Variants in BTBD9 observed in about 807,000 individuals in gnomAD.
BTBD9 encodes the protein BTB/POZ domain-containing protein 9.
BTBD9 carries 49 observed loss-of-function variants against 64.3 expected under a neutral mutation model. The observed-to-expected ratio is 0.76, with a 90% CI of 0.61 to 0.97. The LOEUF is 0.97. BTBD9 is among the 50% of genes least tolerant of loss of function. The pLI, the probability that BTBD9 is intolerant of heterozygous loss-of-function variation, is 0.00. For missense variants in BTBD9, 598 were observed against 762.1 expected, an observed-to-expected ratio of 0.78 and a Z score of 2.53; for synonymous variants, 260 against 274.7, an observed-to-expected ratio of 0.95 and a Z score of 0.53.
intron 2 of BTBD9, chr6:38,595,975 G>A: frequency 2.0e-6 from 2 of 985,288 alleles, no homozygotes; most frequent in Non-Finnish European, 1.2e-6. Context: ...GGCTCCCTTG[G>A]AACAATAAAC....
At chr6:38,383,260 C>G (rs889467659) in intron 6 of BTBD9, among the ~76,000 whole-genome samples, 2 of 152,070 alleles carry the variant, frequency 1.3e-5, no homozygotes, top group African/African-American at 4.8e-5. Flanking sequence ...TGAGAAAAAC[C>G]CTGTGATTGT....
intron 1 of BTBD9, among the ~76,000 whole-genome samples, chr6:38,606,315 T>A (rs1278087593): frequency 6.6e-6 from 1 of 152,042 alleles, no homozygotes; most frequent in African/African-American, 2.4e-5. Flanking sequence ...ATCCTATCAA[T>A]CCTGTCCCTC....
chr6:38,384,497 C>CTGCT lies in BTBD9; in HGVS notation c.1155-39408_1155-39405dup, dbSNP rs368393286. Among the ~76,000 whole-genome samples the CTGCT allele has an allele frequency of 1.4e-4, 21 of 152,286 alleles. No homozygotes were observed. In the East Asian group the frequency reaches 4.0e-3, roughly 29 times the overall value. ...CAAAATGTATCCCACAAACAAAAGCCTGCTTAGTTCATACAGAAGTTAGAC... is the reference window on the plus strand; with the variant it reads ...CAAAATGTATCCCACAAACAAAAGCCTGCTTGCTTAGTTCATACAGAAGTTAGAC... On this transcript the variant is annotated intron_variant, in intron 6 of 10. Transcript: ENST00000481247.
intron 6 of BTBD9, among the ~76,000 whole-genome samples, chr6:38,558,860 C>G (rs1775144960): frequency 6.6e-6 from 1 of 151,982 alleles, no homozygotes; most frequent in Non-Finnish European, 1.5e-5. Flanking sequence ...TTTCCCATAT[C>G]TTTGCCAGGA....
intron 6 of BTBD9, among the ~76,000 whole-genome samples, chr6:38,427,995 T>A (rs974252990): frequency 6.6e-6 from 1 of 151,910 alleles, no homozygotes; most frequent in African/African-American, 2.4e-5. Context: ...AACATTTGCA[T>A]AAGTCAAGGT....
intron 6 of BTBD9, among the ~76,000 whole-genome samples, chr6:38,392,751 C>A (rs1312397452): frequency 1.3e-5 from 2 of 151,786 alleles, no homozygotes; most frequent in African/African-American, 4.8e-5. Context: ...AAGAGGGAAA[C>A]TGAAAACAAA....
chr6:38,228,454 A>G (rs1009994171), intron 9 of BTBD9, among the ~76,000 whole-genome samples: 2 of 151,630 alleles, frequency 1.3e-5, no homozygotes, highest in African/African-American at 4.8e-5. Context: ...AATGCAACAA[A>G]TGTACCACTC....
At chr6:38,306,264 T>G (rs1445567390) in intron 7 of BTBD9, among the ~76,000 whole-genome samples, 3 of 152,234 alleles carry the variant, frequency 2.0e-5, no homozygotes, top group Non-Finnish European at 4.4e-5. Context: ...GGAATTTCTG[T>G]CCCAATTTGT....
At chr6:38,593,280 C>T (rs966102983) in intron 3 of BTBD9, among the ~76,000 whole-genome samples, 1 of 152,138 alleles carries the variant, frequency 6.6e-6, no homozygotes, top group Non-Finnish European at 1.5e-5. Flanking sequence ...AACTGACCTC[C>T]AGGAACAATG....
chr6:38,292,360 TC>T (rs1761996024), intron 7 of BTBD9, among the ~76,000 whole-genome samples: 3 of 152,218 alleles, frequency 2.0e-5, no homozygotes, highest in Admixed American at 2.0e-4. Flanking sequence ...TCCTTCTTTT[TC>T]TATTGTTTGG....
At chr6:38,369,142 C>T (rs2036048820) in intron 6 of BTBD9, among the ~76,000 whole-genome samples, 1 of 152,138 alleles carries the variant, frequency 6.6e-6, no homozygotes, top group Non-Finnish European at 1.5e-5. Flanking sequence ...CAAATCTGTG[C>T]CTCTTTTTCA....
chr6:38,334,641 T>TAATAA (rs202189516), intron 7 of BTBD9, among the ~76,000 whole-genome samples: 2 of 144,144 alleles, frequency 1.4e-5, no homozygotes, highest in Non-Finnish European at 3.0e-5. Context: ...ATAAATAAAA[T>TAATAA]AATAAAATAA....
chr6:38,545,039 A>C (rs1410054411), intron 6 of BTBD9, among the ~76,000 whole-genome samples: 1 of 151,784 alleles, frequency 6.6e-6, no homozygotes, highest in Non-Finnish European at 1.5e-5. Flanking sequence ...ACTGCAGAAC[A>C]TTCAAGAAGT....
rs2127555477 is a variant in BTBD9, at chr6:38,288,269, T to C, written c.1454+3A>G. 1 of 1,608,884 alleles carries C rather than the reference T, an allele frequency of 6.2e-7. No homozygotes were observed. The highest frequency in any genetic ancestry group is 8.5e-7 in the Non-Finnish European group (1 of 1,175,854). ...ACTTATGAATGAGGAGGAATCTTCT[T>C]ACCGTATTGACCCAATCATGTACGG... On this transcript the variant is annotated splice_donor_region_variant and intron_variant, in intron 8 of 10. Transcript: ENST00000481247.
At chr6:38,343,587 C>A (rs1209744556) in intron 7 of BTBD9, among the ~76,000 whole-genome samples, 2 of 152,118 alleles carry the variant, frequency 1.3e-5, no homozygotes, top group Non-Finnish European at 2.9e-5. Flanking sequence ...ATGCCCTCCC[C>A]ACAACCCTCC....
At chr6:38,509,183 G>A (rs1178609830) in intron 6 of BTBD9, among the ~76,000 whole-genome samples, 1 of 152,190 alleles carries the variant, frequency 6.6e-6, no homozygotes, top group Non-Finnish European at 1.5e-5. Context: ...TACTCAATAG[G>A]GGGAAGGGGG....
chr6:38,543,011 A>T (rs1053535952), intron 6 of BTBD9, among the ~76,000 whole-genome samples: 12 of 152,194 alleles, frequency 7.9e-5, no homozygotes, highest in African/African-American at 2.4e-4. Context: ...TTAAAATAAA[A>T]ATCTAAACTC....
chr6:38,334,518 G>A (rs1228232821), intron 7 of BTBD9, among the ~76,000 whole-genome samples: 1 of 151,896 alleles, frequency 6.6e-6, no homozygotes, highest in Admixed American at 6.6e-5. Flanking sequence ...GGAGGTTGTA[G>A]TGGTTGCACC....
intron 10 of BTBD9, among the ~76,000 whole-genome samples, chr6:38,175,524 T>C (rs1581993632): frequency 6.6e-6 from 1 of 151,068 alleles, no homozygotes; most frequent in East Asian, 1.9e-4. Flanking sequence ...TTTTTGTATT[T>C]GGCAGTTGGG....
Sources: gnomAD v4.1 joint callset for allele counts (sites outside exome capture counted in the v4.1 genomes callset) on GRCh38, gnomAD v4.1.1 for gene constraint, MANE v1.5 for transcripts, NCBI Gene and HGNC (gene_info 2026-07-23, HGNC 2026-07-21) for gene names.